Variants in OR7E24 observed in about 807,000 individuals in gnomAD.
OR7E24 encodes olfactory receptor family 7 subfamily E member 24.
For missense variants in OR7E24, 385 were observed against 410.3 expected (o/e 0.94, Z 0.53); for synonymous variants, 130 against 157.5 (o/e 0.83, Z 1.31).
chr19:9,248,803 T>G (rs2066137455), upstream of OR7E24, among the ~76,000 whole-genome samples: 1 of 152,244 alleles, frequency 6.6e-6, no homozygotes, highest in Non-Finnish European at 1.5e-5. Flanking sequence ...GCGCTTCAGA[T>G]GCACCTGTGC....
At chr19:9,242,947 CTTTA>C (rs2066120187), upstream of OR7E24, among the ~76,000 whole-genome samples, 1 of 151,476 alleles carries the variant, frequency 6.6e-6, no homozygotes, top group East Asian at 1.9e-4. Flanking sequence ...TTCTTTCCTT[CTTTA>C]TTTGACCTTT....
the OR7E24 span, chr19:9,214,028 G>A: frequency 9.3e-6 from 15 of 1,613,990 alleles, no homozygotes; most frequent in African/African-American, 1.3e-5. Context: ...CGGTGGAGCT[G>A]CTCTGGGAAG....
chr19:9,245,159 G>A (rs1352402417), upstream of OR7E24, among the ~76,000 whole-genome samples: 1 of 152,066 alleles, frequency 6.6e-6, no homozygotes, highest in Non-Finnish European at 1.5e-5. Flanking sequence ...AGTTTGCAGT[G>A]AGCCAAGATC....
At chr19:9,223,069 G>A in the OR7E24 span, among the ~76,000 whole-genome samples, 1 of 152,038 alleles carries the variant, frequency 6.6e-6, no homozygotes, top group African/African-American at 2.4e-5. Context: ...TATGGCTTTT[G>A]TTCTTCATTC....
chr19:9,233,423 C>T, the OR7E24 span, among the ~76,000 whole-genome samples: 4 of 152,282 alleles, frequency 2.6e-5, 1 homozygote, highest in South Asian at 8.3e-4. Flanking sequence ...TACACTGCAA[C>T]CCCACTGGAA....
At chr19:9,212,098 G>T in the OR7E24 span, 2 of 152,084 alleles carry the variant, frequency 1.3e-5, no homozygotes, top group Non-Finnish European at 2.9e-5. Context: ...ATATATTTAT[G>T]GGGTAGATGA....
the OR7E24 span, among the ~76,000 whole-genome samples, chr19:9,228,665 G>A: frequency 6.6e-6 from 1 of 152,164 alleles, no homozygotes; most frequent in Admixed American, 6.5e-5. Context: ...TCCTCATTTT[G>A]TTGGTTCTTT....
the OR7E24 span, among the ~76,000 whole-genome samples, chr19:9,223,249 TG>T: frequency 6.6e-6 from 1 of 152,228 alleles, no homozygotes; most frequent in Non-Finnish European, 1.5e-5. Flanking sequence ...TATTGTCTCT[TG>T]CTGACCATTC....
chr19:9,233,938 CTGT>C, the OR7E24 span, among the ~76,000 whole-genome samples: 3 of 149,780 alleles, frequency 2.0e-5, no homozygotes, highest in Non-Finnish European at 4.4e-5. Flanking sequence ...GAGTCTCACT[CTGT>C]CACCCAGGCT....
the OR7E24 span, among the ~76,000 whole-genome samples, chr19:9,221,863 C>T: frequency 6.6e-6 from 1 of 152,016 alleles, no homozygotes; most frequent in Non-Finnish European, 1.5e-5. Flanking sequence ...GTTGTCTGTG[C>T]TTCAGAGGTC....
the OR7E24 span, chr19:9,213,716 C>T: frequency 1.5e-4 from 89 of 586,020 alleles, no homozygotes; most frequent in East Asian, 1.2e-3. Flanking sequence ...CTAGCCTGGG[C>T]GACAGAGCCA....
chr19:9,214,159 C>T, the OR7E24 span: 570 of 1,610,110 alleles, frequency 3.5e-4, no homozygotes, highest in African/African-American at 4.2e-3. Flanking sequence ...GAGGACATTC[C>T]CATTAAGGAG....
chr19:9,211,029 G>A, the OR7E24 span: 8 of 152,330 alleles, frequency 5.3e-5, no homozygotes, highest in Admixed American at 1.3e-4. Flanking sequence ...GAACTCTACC[G>A]GAAGGCAGAG....
the OR7E24 span, chr19:9,213,205 CA>C: frequency 1.3e-5 from 2 of 152,108 alleles, no homozygotes; most frequent in Non-Finnish European, 2.9e-5. Flanking sequence ...TGAGGAACAT[CA>C]ACATTCAACA....
At chr19:9,235,435 C>T in the OR7E24 span, 37 of 1,606,442 alleles carry the variant, frequency 2.3e-5, no homozygotes, top group Non-Finnish European at 2.9e-5. Context: ...CATGGGGTGC[C>T]TCACTCAGGT....
chr19:9,220,828 A>G, the OR7E24 span, among the ~76,000 whole-genome samples: 4 of 152,184 alleles, frequency 2.6e-5, no homozygotes, highest in African/African-American at 7.2e-5. Context: ...ATTCCTACCA[A>G]CAGTGTAGAA....
At chr19:9,247,924 T>C (rs2066135179), upstream of OR7E24, among the ~76,000 whole-genome samples, 1 of 152,238 alleles carries the variant, frequency 6.6e-6, no homozygotes, top group African/African-American at 2.4e-5. Flanking sequence ...GAAATGATTA[T>C]TGAAGTCCTC....
the OR7E24 span, among the ~76,000 whole-genome samples, chr19:9,241,248 T>C: frequency 6.6e-6 from 1 of 152,182 alleles, no homozygotes; most frequent in South Asian, 2.1e-4. Context: ...ATTAATAACA[T>C]CCACTTGGCA....
At chr19:9,217,765 C>T in the OR7E24 span, among the ~76,000 whole-genome samples, 2 of 152,264 alleles carry the variant, frequency 1.3e-5, no homozygotes, top group South Asian at 2.1e-4. Context: ...TCTCGAACTA[C>T]TGACCTCAAG....
Sources: gnomAD v4.1 joint callset for allele counts (sites outside exome capture counted in the v4.1 genomes callset) on GRCh38, gnomAD v4.1.1 for gene constraint, MANE v1.5 for transcripts, NCBI Gene and HGNC (gene_info 2026-07-23, HGNC 2026-07-21) for gene names.